ATP10A: variants seen among roughly 807,000 people sequenced by gnomAD.
ATP10A encodes phospholipid-transporting ATPase VA.
ATP10A carries 111 observed loss-of-function variants against 147.8 expected under a neutral mutation model. The observed-to-expected ratio is 0.75, with a 90% CI of 0.64 to 0.88. The LOEUF (loss-of-function observed/expected upper bound fraction) is 0.88. Among genes scored for constraint, ATP10A ranks in the 40% least tolerant of loss-of-function variants. The probability of loss-of-function intolerance (pLI) is 0.00; values close to 1 mark genes in which losing one functional copy is unlikely to be tolerated. For missense variants in ATP10A, 1,927 were observed against 1,959.0 expected (o/e 0.98, Z 0.31); for synonymous variants, 875 against 841.6 (o/e 1.04, Z -0.69).
chr15:25,790,386 C>A (rs1435666959), intron 1 of ATP10A, among the ~76,000 whole-genome samples: 3 of 152,212 alleles, frequency 2.0e-5, no homozygotes, highest in Non-Finnish European at 4.4e-5. Context: ...CACATGTGTG[C>A]ATGGAGCAGA....
At chr15:25,830,971 C>T (rs1193363729) in intron 1 of ATP10A, among the ~76,000 whole-genome samples, 2 of 152,184 alleles carry the variant, frequency 1.3e-5, no homozygotes, top group Admixed American at 6.5e-5. Context: ...TTGGCTGTGC[C>T]GGGCCTCCCT....
At chr15:25,706,393 C>G (rs561097333) in intron 12 of ATP10A, among the ~76,000 whole-genome samples, 9 of 152,302 alleles carry the variant, frequency 5.9e-5, no homozygotes, top group Non-Finnish European at 1.5e-5. Context: ...ACGCTCAGTG[C>G]CCCCCGTCAT....
At chr15:25,680,519 G>A (rs1899345495) in intron 19 of ATP10A, among the ~76,000 whole-genome samples, 1 of 152,156 alleles carries the variant, frequency 6.6e-6, no homozygotes, top group Non-Finnish European at 1.5e-5. Flanking sequence ...GTGAGATGGA[G>A]TCAGGGGCGA....
intron 13 of ATP10A, among the ~76,000 whole-genome samples, chr15:25,699,585 C>G (rs1179268611): frequency 6.6e-6 from 1 of 152,288 alleles, no homozygotes; most frequent in Admixed American, 6.5e-5. Context: ...AATGACCAAT[C>G]AGACCAGGCA....
At chr15:25,824,698 T>C (rs1418377291) in intron 1 of ATP10A, among the ~76,000 whole-genome samples, 1 of 151,100 alleles carries the variant, frequency 6.6e-6, no homozygotes, top group Non-Finnish European at 1.5e-5. Context: ...CAAAATACCG[T>C]CAAAATCAAC....
At chr15:25,764,059 G>A (rs951731226) in intron 2 of ATP10A, among the ~76,000 whole-genome samples, 8 of 152,082 alleles carry the variant, frequency 5.3e-5, no homozygotes, top group Non-Finnish European at 1.2e-4. Context: ...TGCAATGCAG[G>A]GCTTCTCAGT....
Position 25,679,746 on chromosome 15 carries a change from C to T in ATP10A, c.4095G>A (p.Glu1365=). The T allele has an allele frequency of 6.2e-7, 1 of 1,613,458 alleles. No homozygotes were observed. Residue 1365 remains glutamate, a synonymous_variant, in exon 21 of 21, where the codon GAG becomes GAA. Coordinates refer to ENST00000555815, the MANE Select transcript of ATP10A (RefSeq NM_024490.4). ...CCACTGTGCTGGGCTCCCCGCTGGCCTCCAGGGAGCAGACCGGCTGCTGTG... is the reference window on the plus strand; with the variant it reads ...CCACTGTGCTGGGCTCCCCGCTGGCTTCCAGGGAGCAGACCGGCTGCTGTG... ...WHTQQPVCSL[E]ASGEPSTVDM...
intron 10 of ATP10A, among the ~76,000 whole-genome samples, chr15:25,712,366 AG>A (rs1399906648): frequency 6.6e-6 from 1 of 152,204 alleles, no homozygotes; most frequent in Non-Finnish European, 1.5e-5. Context: ...CACAGCTCAC[AG>A]GGCTCCCTGC....
rs1012686460 is a variant in ATP10A, at chr15:25,727,254, G to A, written c.753C>T (p.Asn251=). ...CTTTATACAGCCCGGCCTTTTTCCCGTTGTCATGTATGCTGTAGAGGGACA... is the reference window on the plus strand; with the variant it reads ...CTTTATACAGCCCGGCCTTTTTCCCATTGTCATGTATGCTGTAGAGGGACA... ...SRFRGCIIHD[N]GKKAGLYKEN... Residue 251 remains asparagine, a synonymous_variant, in exon 4 of 21, where the codon AAC becomes AAT. Transcript: ENST00000555815. The A allele has an allele frequency of 1.2e-6, 2 of 1,613,644 alleles. No homozygotes were observed. Among genetic ancestry groups the A allele is most frequent in the South Asian group, 1.1e-5 (1 of 91,066 alleles).
intron 1 of ATP10A, among the ~76,000 whole-genome samples, chr15:25,798,038 G>A (rs145606642): frequency 1.1e-3 from 162 of 152,200 alleles, no homozygotes; most frequent in East Asian, 3.1e-3. Context: ...TGCAAAATTC[G>A]TCAGGGTCAC....
At chr15:25,689,440 G>T (rs747050799) in intron 15 of ATP10A, among the ~76,000 whole-genome samples, 1 of 152,100 alleles carries the variant, frequency 6.6e-6, no homozygotes, top group African/African-American at 2.4e-5. Flanking sequence ...CCCCACCTTG[G>T]CTGAGCTGGG....
chr15:25,703,115 C>T (rs773153032), intron 12 of ATP10A, among the ~76,000 whole-genome samples: 17 of 152,094 alleles, frequency 1.1e-4, no homozygotes, highest in Non-Finnish European at 5.9e-5. Context: ...CCCAGCACTT[C>T]GGGAGGCCGT....
At chr15:25,718,510 C>G (rs1441465541) in intron 7 of ATP10A, 111 bp from the exon 8 acceptor site, 1 of 1,072,610 alleles carries the variant, frequency 9.3e-7, no homozygotes, top group Non-Finnish European at 1.3e-6. Flanking sequence ...GGCAGCCCCA[C>G]AGGATTCACC....
At chr15:25,784,287 C>T (rs752504620) in intron 1 of ATP10A, among the ~76,000 whole-genome samples, 1 of 152,130 alleles carries the variant, frequency 6.6e-6, no homozygotes, top group Non-Finnish European at 1.5e-5. Flanking sequence ...CCCAGGAGAC[C>T]GGGCAGTCCT....
chr15:25,802,029 G>A (rs1890961913), intron 1 of ATP10A, among the ~76,000 whole-genome samples: 1 of 152,158 alleles, frequency 6.6e-6, no homozygotes, highest in African/African-American at 2.4e-5. Context: ...GCCTACTTGG[G>A]TTTCAGCACC....
At chr15:25,714,305 G>T in intron 9 of ATP10A, 64 bp from the exon 10 acceptor site, 5 of 1,484,776 alleles carry the variant, frequency 3.4e-6, no homozygotes, top group Middle Eastern at 1.7e-4. Flanking sequence ...GCCCCACCCT[G>T]GTTCCCACAG....
At chr15:25,823,486 G>T (rs11631519) in intron 1 of ATP10A, among the ~76,000 whole-genome samples, 96,388 of 152,088 alleles carry the variant, frequency 0.63, 33,748 homozygotes, top group East Asian at 0.85. Flanking sequence ...CTTCTGTGGG[G>T]TCAGTGCCCT....
At chr15:25,845,151 C>A (rs1053847995) in intron 1 of ATP10A, among the ~76,000 whole-genome samples, 2 of 152,180 alleles carry the variant, frequency 1.3e-5, no homozygotes, top group Non-Finnish European at 2.9e-5. Context: ...TTGGGAACTG[C>A]GGGGAGCGCT....
chr15:25,816,728 T>C (rs1445925513), intron 1 of ATP10A, among the ~76,000 whole-genome samples: 1 of 152,186 alleles, frequency 6.6e-6, no homozygotes, highest in Admixed American at 6.5e-5. Context: ...GAAGAAAACA[T>C]AATTTTTTTG....
Sources: gnomAD v4.1 joint callset for allele counts (sites outside exome capture counted in the v4.1 genomes callset) on GRCh38, gnomAD v4.1.1 for gene constraint, MANE v1.5 for transcripts, NCBI Gene and HGNC (gene_info 2026-07-23, HGNC 2026-07-21) for gene names.